Variants in SGMS2 observed in about 807,000 individuals in gnomAD.
The protein encoded by SGMS2 is phosphatidylcholine:ceramide cholinephosphotransferase 2.
In SGMS2, 21 loss-of-function variants were observed where a neutral mutation model predicts 43.8. That is an observed-to-expected ratio of 0.48 (90% CI 0.34 to 0.69). SGMS2 has a LOEUF of 0.69. Among genes scored for constraint, SGMS2 ranks in the 30% least tolerant of loss-of-function variants. The pLI is 0.01. For missense variants in SGMS2, 384 were observed against 443.2 expected (o/e 0.87, Z 1.20); for synonymous variants, 167 against 160.6 (o/e 1.04, Z -0.30).
chr4:107,863,358 A>G (rs10516546), intron 2 of SGMS2: 82,625 of 152,018 alleles, frequency 0.54, 23,445 homozygotes, highest in African/African-American at 0.67. Context: ...GGGAACACTA[A>G]AACTGGCATC....
In SGMS2 at chr4:107,903,312, ATATCT is replaced by A; in HGVS notation, c.657_661del (p.Ile219MetfsTer77). The A allele has an allele frequency of 1.2e-6, 2 of 1,614,032 alleles. No homozygotes were observed. The highest frequency in any genetic ancestry group is 1.7e-6 in the Non-Finnish European group (2 of 1,179,938). The stretch of plus-strand genomic sequence containing the variant: ...GGTGGATTGTCCATAACTGGATCAC[ATATCT>A]TATGTGGAGACTTCCTCTTCAGCGG... On this transcript the variant is annotated frameshift_variant, in exon 5 of 7. Transcript: ENST00000690982. LOFTEE classifies it high-confidence loss of function.
rs1045560923 is a variant in SGMS2 at position 107,883,355 on chromosome 4, C to T, written c.-244-11955C>T. Among the ~76,000 whole-genome samples, 2 of 152,170 alleles carry T rather than the reference C, an allele frequency of 1.3e-5. 1 individual carries two copies. The highest frequency in any genetic ancestry group is 4.1e-4 in the South Asian group (2 of 4,828). On this transcript the variant is annotated intron_variant, in intron 2 of 6. Transcript: ENST00000690982. ...TTTGAAATAGAGTCTTGCTCTGTCA[C>T]CCAGGCTGGAGCACAGTGGTGCAAT...
chr4:107,832,854 C>T (rs1311366447), intron 1 of SGMS2, among the ~76,000 whole-genome samples: 1 of 151,966 alleles, frequency 6.6e-6, no homozygotes, highest in Non-Finnish European at 1.5e-5. Flanking sequence ...ATGATGCAAC[C>T]CCTCCTCTAC....
At chr4:107,885,060 A>G (rs1281653735) in intron 2 of SGMS2, among the ~76,000 whole-genome samples, 1 of 152,188 alleles carries the variant, frequency 6.6e-6, no homozygotes, top group South Asian at 2.1e-4. Flanking sequence ...GTACCATGCC[A>G]GAGTGCAAAG....
intron 2 of SGMS2, among the ~76,000 whole-genome samples, chr4:107,892,538 A>G (rs978172198): frequency 9.2e-5 from 14 of 152,300 alleles, no homozygotes; most frequent in Non-Finnish European, 1.3e-4. Context: ...CACACCCATG[A>G]CACAGCCTCG....
intron 2 of SGMS2, among the ~76,000 whole-genome samples, chr4:107,865,939 T>C (rs747403244): frequency 1.3e-5 from 2 of 152,238 alleles, no homozygotes; most frequent in Non-Finnish European, 1.5e-5. Flanking sequence ...GAAATAAAAG[T>C]ATAAGATCAA....
In SGMS2 at chr4:107,899,557, C is replaced by A. The variant is rs913886030; in HGVS notation, c.456-18C>A. ...AACCAGTAAACTTGTTTTTCCCCATCCCTATTTTTTCTTTTAGGTCAATAG... is the reference window on the plus strand; with the variant it reads ...AACCAGTAAACTTGTTTTTCCCCATACCTATTTTTTCTTTTAGGTCAATAG... On this transcript the variant is annotated intron_variant, in intron 3 of 6. Transcript: ENST00000690982. 4.5e-6 allele frequency: 7 copies of A among 1,569,534 alleles called. No individual in the cohort carries two copies. Among genetic ancestry groups the A allele is most frequent in the Non-Finnish European group, 6.1e-6 (7 of 1,149,684 alleles).
At chr4:107,843,021 C>G (rs1016715933) in intron 1 of SGMS2, among the ~76,000 whole-genome samples, 2 of 152,194 alleles carry the variant, frequency 1.3e-5, no homozygotes, top group African/African-American at 2.4e-5. Flanking sequence ...TTTGCACAAG[C>G]AACTGAGCCC....
rs746609361 is a variant in SGMS2, at chr4:107,910,359, G to A, written c.904G>A (p.Val302Ile). 1.9e-6 allele frequency: 3 copies of A among 1,613,720 alleles called. No individual in the cohort carries two copies. Among genetic ancestry groups the A allele is most frequent in the Non-Finnish European group, 2.5e-6 (3 of 1,179,776 alleles). The change falls in exon 7 of 7, where the codon GTC (valine) becomes ATC (isoleucine). Residue 302 changes from valine to isoleucine, a missense_variant. Physicochemically the swap from Val to Ile is conservative, Grantham distance 29. Transcript: ENST00000690982. ...TTTCTACCATTTACAGAACTTGAAG[G>A]TCTCTTCACAGACTAATTTCTTATC... ...HSMANEKNLK[V>I]SSQTNFLSRA... is the part of the protein sequence containing the mutation.
intron 1 of SGMS2, among the ~76,000 whole-genome samples, chr4:107,828,166 C>T (rs1359195528): frequency 6.6e-6 from 1 of 152,114 alleles, no homozygotes; most frequent in East Asian, 1.9e-4. Flanking sequence ...CATAATCTCA[C>T]CACCCAGAAA....
intron 2 of SGMS2, among the ~76,000 whole-genome samples, chr4:107,876,320 C>T (rs1034351366): frequency 3.9e-5 from 6 of 152,072 alleles, no homozygotes; most frequent in African/African-American, 7.2e-5. Flanking sequence ...ATGTGCCATC[C>T]GCTATAACCA....
chr4:107,871,268 T>C (rs1728539132), intron 2 of SGMS2, among the ~76,000 whole-genome samples: 1 of 152,200 alleles, frequency 6.6e-6, no homozygotes, highest in African/African-American at 2.4e-5. Flanking sequence ...CTATATACCC[T>C]AGACGTTTTA....
At chr4:107,877,125 C>A (rs1477300859) in intron 2 of SGMS2, among the ~76,000 whole-genome samples, 4 of 151,764 alleles carry the variant, frequency 2.6e-5, no homozygotes, top group South Asian at 2.1e-4. Flanking sequence ...CATAGCAAGA[C>A]CCATATTTCT....
intron 2 of SGMS2, among the ~76,000 whole-genome samples, chr4:107,877,913 C>CTTTTTTTTTTTTTTTTTTTT (rs774442653): frequency 1.7e-4 from 17 of 102,170 alleles, no homozygotes; most frequent in African/African-American, 2.3e-4. Flanking sequence ...TTTTTCTTTT[C>CTTTTTTTTTTTTTTTTTTTT]TTTTTTTTTT....
chr4:107,835,923 A>G (rs992551089), intron 1 of SGMS2, among the ~76,000 whole-genome samples: 2 of 152,204 alleles, frequency 1.3e-5, no homozygotes, highest in African/African-American at 4.8e-5. Context: ...AGTACTGTCA[A>G]TGGAAATATA....
chr4:107,872,847 A>G (rs1346335280), intron 2 of SGMS2, among the ~76,000 whole-genome samples: 1 of 152,190 alleles, frequency 6.6e-6, no homozygotes, highest in Non-Finnish European at 1.5e-5. Flanking sequence ...TATAATATAC[A>G]TTTATTTATA....
chr4:107,830,298 G>T lies in SGMS2; in HGVS notation c.-327+5045G>T, dbSNP rs545576888. Among the ~76,000 whole-genome samples, 45 of 152,242 alleles carry T rather than the reference G, an allele frequency of 3.0e-4. 1 individual carries two copies. The highest frequency in any genetic ancestry group is 1.0e-3 in the African/African-American group (43 of 41,550). ...TCCACTGTTGGTGGGCATCTAGGTT[G>T]AGTCCATGTGTTTGCTATTGTGAAT... is the stretch of plus-strand genomic sequence containing the variant. On this transcript the variant is annotated intron_variant, in intron 1 of 6. Coordinates refer to ENST00000690982, the MANE Select transcript of SGMS2 (RefSeq NM_001375905.1).
chr4:107,879,586 C>T (rs936101913), intron 2 of SGMS2, among the ~76,000 whole-genome samples: 3 of 151,822 alleles, frequency 2.0e-5, no homozygotes, highest in African/African-American at 2.4e-5. Flanking sequence ...CTCAGCTTCC[C>T]GAGTACCTGG....
At chr4:107,887,696 A>G (rs1423644000) in intron 2 of SGMS2, among the ~76,000 whole-genome samples, 3 of 152,236 alleles carry the variant, frequency 2.0e-5, no homozygotes, top group Non-Finnish European at 4.4e-5. Flanking sequence ...ATAGGATCAC[A>G]GGTCATTGTA....
Sources: gnomAD v4.1 joint callset for allele counts (sites outside exome capture counted in the v4.1 genomes callset) on GRCh38, gnomAD v4.1.1 for gene constraint, MANE v1.5 for transcripts, NCBI Gene and HGNC (gene_info 2026-07-23, HGNC 2026-07-21) for gene names.